Variants in DCLK2 observed in about 807,000 individuals in gnomAD.
DCLK2 encodes doublecortin like kinase 2, also known as serine/threonine-protein kinase DCLK2.
In DCLK2, 31 loss-of-function variants were observed where a neutral mutation model predicts 78.4. The ratio of observed to expected loss-of-function variants is 0.40; its 90% confidence interval spans 0.30 to 0.53. The LOEUF is 0.53. DCLK2 is among the 20% of genes least tolerant of loss of function. The probability of loss-of-function intolerance (pLI) is 0.61; values close to 1 mark genes in which losing one functional copy is unlikely to be tolerated. For missense variants in DCLK2, 872 were observed against 973.7 expected, an observed-to-expected ratio of 0.90 and a Z score of 1.39; for synonymous variants, 407 against 374.9, an observed-to-expected ratio of 1.09 and a Z score of -0.99.
chr4:150,252,363 A>G (rs895638311), intron 15 of DCLK2, among the ~76,000 whole-genome samples: 1 of 152,270 alleles, frequency 6.6e-6, no homozygotes, highest in African/African-American at 2.4e-5. Flanking sequence ...TTTAATAACC[A>G]TGTTAAGTCT....
At chr4:150,134,427 G>A (rs758531685) in intron 2 of DCLK2, among the ~76,000 whole-genome samples, 9 of 152,020 alleles carry the variant, frequency 5.9e-5, no homozygotes, top group Non-Finnish European at 1.2e-4. Context: ...GGTCTATTTT[G>A]CGAAATAAAT....
chr4:150,197,935 A>C (rs1248230282), intron 3 of DCLK2, 67 bp from the exon 4 acceptor site: 1 of 1,277,574 alleles, frequency 7.8e-7, no homozygotes, highest in African/African-American at 1.5e-5. Flanking sequence ...GTAAACAATT[A>C]CATGTAACTC....
intron 8 of DCLK2, 110 bp from the exon 9 acceptor site, chr4:150,232,227 T>C: frequency 1.5e-6 from 2 of 1,377,292 alleles, no homozygotes; most frequent in South Asian, 2.8e-5. Flanking sequence ...AGAGCAATGC[T>C]TTCTTTGGCA....
In DCLK2 at chr4:150,102,644, C is replaced by T; in HGVS notation, c.588C>T (p.Pro196=). Residue 196 remains proline (P), a synonymous_variant, in exon 2 of 16, where the codon CCC becomes CCT. Coordinates refer to ENST00000296550, the MANE Select transcript of DCLK2 (RefSeq NM_001040260.4). ...AAGAAAGTAAAGATTTCATCAAACC[C>T]AAGTTAGTGACTGTGATTCGAAGTG... ...EVKESKDFIK[P]KLVTVIRSGV... 4 of 1,614,130 alleles carry T rather than the reference C, an allele frequency of 2.5e-6. No homozygotes were observed. In the South Asian group the frequency reaches 4.4e-5, roughly 18 times the overall value.
chr4:150,214,734 G>T (rs535835925), intron 5 of DCLK2, among the ~76,000 whole-genome samples: 80 of 151,984 alleles, frequency 5.3e-4, no homozygotes, highest in Non-Finnish European at 8.5e-4. Context: ...GGCCAAGGTG[G>T]GTGGATCACT....
At chr4:150,154,582 T>G (rs1208519081) in intron 2 of DCLK2, among the ~76,000 whole-genome samples, 1 of 152,208 alleles carries the variant, frequency 6.6e-6, no homozygotes. Context: ...GTTTTGATTT[T>G]TTTTAGAAGC....
chr4:150,111,250 A>G (rs1332272007), intron 2 of DCLK2, among the ~76,000 whole-genome samples: 1 of 151,650 alleles, frequency 6.6e-6, no homozygotes, highest in Non-Finnish European at 1.5e-5. Context: ...GATGTGGAGC[A>G]TTTTTTAATA....
intron 2 of DCLK2, among the ~76,000 whole-genome samples, chr4:150,103,444 A>G (rs1356668266): frequency 6.6e-6 from 1 of 152,192 alleles, no homozygotes; most frequent in Non-Finnish European, 1.5e-5. Flanking sequence ...GCAAAAACAC[A>G]TGAATAGCCG....
At chr4:150,149,660 C>T (rs928850813) in intron 2 of DCLK2, among the ~76,000 whole-genome samples, 1 of 152,142 alleles carries the variant, frequency 6.6e-6, no homozygotes, top group African/African-American at 2.4e-5. Flanking sequence ...ATTTGGCAGA[C>T]GTGTTATTTC....
At chr4:150,228,111 C>T (rs1237381489) in intron 8 of DCLK2, among the ~76,000 whole-genome samples, 1 of 152,180 alleles carries the variant, frequency 6.6e-6, no homozygotes, top group Non-Finnish European at 1.5e-5. Flanking sequence ...CTGTGTGAAA[C>T]TTCCCTGTGC....
chr4:150,116,642 G>A (rs908574555), intron 2 of DCLK2, among the ~76,000 whole-genome samples: 1 of 152,184 alleles, frequency 6.6e-6, no homozygotes, highest in Non-Finnish European at 1.5e-5. Flanking sequence ...CAGCACCAGC[G>A]CTGATAGAGG....
In DCLK2 at chr4:150,257,094, C is replaced by G. The variant is rs1225489021; in HGVS notation, c.*847C>G. 6.6e-6 allele frequency: 1 copy of G among 152,390 alleles called. No individual in the cohort carries two copies. Among genetic ancestry groups the G allele is most frequent in the African/African-American group, 2.4e-5 (1 of 41,466 alleles). The allele number at this position is 152,390 out of a possible 1,614,324, so 9.4% of individuals were successfully genotyped here. A position where few individuals can be genotyped will look rare whatever the true frequency, so the allele number is the denominator to read the frequency against. ...CGGCTGCTTCCCTGCAAGCCAGCGA[C>G]TTGCCGAGCAGAATGAGCTCTGCTC... On this transcript the variant is annotated 3_prime_UTR_variant, in exon 16 of 16. Transcript: ENST00000296550.
At chr4:150,223,435 T>A (rs1458165582) in intron 7 of DCLK2, among the ~76,000 whole-genome samples, 1 of 152,234 alleles carries the variant, frequency 6.6e-6, no homozygotes, top group Non-Finnish European at 1.5e-5. Flanking sequence ...ATTAAATTAT[T>A]TTAAAGGTGA....
intron 14 of DCLK2, among the ~76,000 whole-genome samples, chr4:150,248,734 A>T (rs1415333995): frequency 6.6e-6 from 1 of 152,054 alleles, no homozygotes; most frequent in Non-Finnish European, 1.5e-5. Context: ...TTTGCCCTGG[A>T]GATGAGCCTG....
chr4:150,252,921 G>A (rs1744281351), intron 15 of DCLK2, among the ~76,000 whole-genome samples: 1 of 152,084 alleles, frequency 6.6e-6, no homozygotes, highest in East Asian at 1.9e-4. Context: ...TGCCTCTGGT[G>A]GCACCCATTC....
At chr4:150,190,942 T>C (rs1368566144) in intron 2 of DCLK2, among the ~76,000 whole-genome samples, 2 of 152,040 alleles carry the variant, frequency 1.3e-5, no homozygotes, top group Non-Finnish European at 2.9e-5. Context: ...CTTACCTACC[T>C]ACCTACCTAT....
intron 2 of DCLK2, among the ~76,000 whole-genome samples, chr4:150,187,435 T>C (rs887031027): frequency 1.3e-5 from 2 of 152,206 alleles, no homozygotes; most frequent in Non-Finnish European, 2.9e-5. Context: ...CACTTTCCCT[T>C]ACAGATATTC....
intron 2 of DCLK2, among the ~76,000 whole-genome samples, chr4:150,142,266 A>G (rs1734158807): frequency 6.6e-6 from 1 of 152,122 alleles, no homozygotes; most frequent in African/African-American, 2.4e-5. Context: ...TTATGTATAT[A>G]ATTAACACAG....
At chr4:150,087,442 A>C (rs1729726512) in intron 1 of DCLK2, among the ~76,000 whole-genome samples, 3 of 152,212 alleles carry the variant, frequency 2.0e-5, no homozygotes. Context: ...TTGAAATAGC[A>C]ATGTGAGGAG....
Sources: gnomAD v4.1 joint callset for allele counts (sites outside exome capture counted in the v4.1 genomes callset) on GRCh38, gnomAD v4.1.1 for gene constraint, MANE v1.5 for transcripts, NCBI Gene and HGNC (gene_info 2026-07-23, HGNC 2026-07-21) for gene names.